The following DAPK1 variants were observed in gnomAD, a reference collection of about 807,000 sequenced individuals.
DAPK1 encodes the protein death associated protein kinase 1.
A neutral mutation model predicts 144.9 loss-of-function variants in DAPK1; 56 were observed. That is an observed-to-expected ratio of 0.39 (90% CI 0.31 to 0.48). The LOEUF is 0.48. DAPK1 is among the 20% of genes least tolerant of loss of function. DAPK1 has a pLI of 0.95. For synonymous variants in DAPK1, 690 were observed against 749.0 expected (o/e 0.92, Z 1.29); for missense variants, 1,454 against 1,875.4 (o/e 0.78, Z 4.15).
intron 2 of DAPK1, among the ~76,000 whole-genome samples, chr9:87,518,695 T>C (rs1381610586): frequency 6.6e-6 from 1 of 152,168 alleles, no homozygotes; most frequent in Admixed American, 6.5e-5. Context: ...ACTTTTTCCT[T>C]ATTTCTCTGT....
At chr9:87,523,028 A>G (rs78769503) in intron 2 of DAPK1, among the ~76,000 whole-genome samples, 3,096 of 151,890 alleles carry the variant, frequency 0.02, 115 homozygotes, top group African/African-American at 0.071. Context: ...CTAGGTTGTC[A>G]TTTGTCTTTT....
At chr9:87,532,820 C>T (rs1208012610) in intron 2 of DAPK1, among the ~76,000 whole-genome samples, 1 of 152,122 alleles carries the variant, frequency 6.6e-6, no homozygotes, top group Non-Finnish European at 1.5e-5. Context: ...GTACAGGGAA[C>T]GCCAATTTGC....
At chr9:87,577,094 G>T (rs1827588525) in intron 2 of DAPK1, among the ~76,000 whole-genome samples, 3 of 152,146 alleles carry the variant, frequency 2.0e-5, no homozygotes, top group African/African-American at 7.2e-5. Context: ...ATTCTGGTTT[G>T]TCCCTCAAAT....
intron 19 of DAPK1, among the ~76,000 whole-genome samples, chr9:87,680,378 T>TA (rs1208953031): frequency 6.6e-6 from 1 of 152,214 alleles, no homozygotes; most frequent in Non-Finnish European, 1.5e-5. Flanking sequence ...GTGCTGGGAT[T>TA]ACAGGCGTGA....
chr9:87,640,388 C>G lies in DAPK1; in HGVS notation c.720C>G (p.Tyr240Ter). 1.2e-6 allele frequency: 2 copies of G among 1,614,194 alleles called. No individual in the cohort carries two copies. The highest frequency in any genetic ancestry group is 1.7e-6 in the Non-Finnish European group (2 of 1,179,994). Residue 240 changes from tyrosine to a stop codon, truncating the protein, a stop_gained, in exon 8 of 26, where the codon TAC (tyrosine) becomes TAG (stop). Transcript: ENST00000408954. LOFTEE classifies it high-confidence loss of function. The part of the protein sequence containing the change: ...SAVNYEFEDE[Y>*]FSNTSALAKD... Reference sequence around the variant, plus strand: ...TCAACTACGAATTTGAGGATGAATACTTCAGTAATACCAGTGCCCTAGCCA... The same window carrying G: ...TCAACTACGAATTTGAGGATGAATAGTTCAGTAATACCAGTGCCCTAGCCA...
At chr9:87,513,206 C>A (rs1342295407) in intron 2 of DAPK1, among the ~76,000 whole-genome samples, 2 of 152,242 alleles carry the variant, frequency 1.3e-5, no homozygotes, top group Non-Finnish European at 2.9e-5. Context: ...TTTATTCATT[C>A]CTCAAGGGCT....
At chr9:87,523,216 T>C (rs1825367288) in intron 2 of DAPK1, among the ~76,000 whole-genome samples, 1 of 152,254 alleles carries the variant, frequency 6.6e-6, no homozygotes, top group Admixed American at 6.5e-5. Context: ...CAGACAGCTG[T>C]ATTTTTTAAA....
At chr9:87,606,237 A>G (rs1272669166) in intron 3 of DAPK1, among the ~76,000 whole-genome samples, 1 of 152,148 alleles carries the variant, frequency 6.6e-6, no homozygotes, top group Non-Finnish European at 1.5e-5. Flanking sequence ...AGGTACCTCC[A>G]CTTTGCAATC....
chr9:87,665,704 A>G (rs545069157), intron 18 of DAPK1, among the ~76,000 whole-genome samples: 5 of 152,316 alleles, frequency 3.3e-5, no homozygotes, highest in South Asian at 2.1e-4. Flanking sequence ...CTTGAACACA[A>G]TAAGTGAAGT....
upstream of DAPK1, chr9:87,497,756 G>A: frequency 3.1e-6 from 1 of 318,058 alleles, no homozygotes; most frequent in Non-Finnish European, 5.7e-6. Flanking sequence ...GCGCCGGCCT[G>A]GCAGGGCAGC....
chr9:87,677,618 G>T (rs1824442553), intron 19 of DAPK1, among the ~76,000 whole-genome samples: 1 of 152,206 alleles, frequency 6.6e-6, no homozygotes, highest in Non-Finnish European at 1.5e-5. Flanking sequence ...CCTTCCCCTG[G>T]TCTCAGATGA....
At position 87,591,135 on chromosome 9, in the gene DAPK1, C is replaced by T. The variant is rs36205755; in HGVS notation, c.63-13819C>T. Among the ~76,000 whole-genome samples, 1,093 of 152,334 alleles carry T rather than the reference C, an allele frequency of 7.2e-3. 7 individuals carry two copies. Among genetic ancestry groups the T allele is most frequent in the Middle Eastern group, 0.014 (4 of 294 alleles). ...ACTGCTTAGTCAAAGCAATTAGCCTCTAGGAGACCAGCAGAATTGCCCTGA... is the reference window on the plus strand; with the variant it reads ...ACTGCTTAGTCAAAGCAATTAGCCTTTAGGAGACCAGCAGAATTGCCCTGA... On this transcript the variant is annotated intron_variant, in intron 2 of 25. Coordinates refer to ENST00000408954, the MANE Select transcript of DAPK1 (RefSeq NM_004938.4).
At chr9:87,548,178 C>T (rs1433185710) in intron 2 of DAPK1, among the ~76,000 whole-genome samples, 1 of 152,346 alleles carries the variant, frequency 6.6e-6, no homozygotes, top group South Asian at 2.1e-4. Context: ...CACTCTCCAG[C>T]TTGGTGGCAG....
intron 2 of DAPK1, chr9:87,553,491 CTTTTCTTT>C (rs1554681422): frequency 1.7e-4 from 25 of 144,532 alleles, no homozygotes; most frequent in Non-Finnish European, 2.6e-4. Context: ...TTTTTCTTTT[CTTTTCTTT>C]TTTTTTTTTT....
At chr9:87,594,165 GTTGTTTGTT>G (rs1238575800) in intron 2 of DAPK1, among the ~76,000 whole-genome samples, 2 of 152,232 alleles carry the variant, frequency 1.3e-5, no homozygotes, top group African/African-American at 4.8e-5. Flanking sequence ...ATGGAGTGTT[GTTGTTTGTT>G]TTGTTTGTTT....
At chr9:87,641,421 G>A (rs1034271551) in intron 9 of DAPK1, among the ~76,000 whole-genome samples, 1 of 152,168 alleles carries the variant, frequency 6.6e-6, no homozygotes, top group Non-Finnish European at 1.5e-5. Context: ...AAATAAAGAA[G>A]TGAACATCAC....
intron 2 of DAPK1, among the ~76,000 whole-genome samples, chr9:87,505,423 TCTCA>T (rs1422090195): frequency 1.3e-5 from 2 of 152,198 alleles, no homozygotes; most frequent in African/African-American, 4.8e-5. Context: ...TGAGACGGAG[TCTCA>T]CTCTGTTGCC....
chr9:87,679,401 G>A (rs1164960878), intron 19 of DAPK1, among the ~76,000 whole-genome samples: 1 of 152,022 alleles, frequency 6.6e-6, no homozygotes, highest in Admixed American at 6.5e-5. Flanking sequence ...TGCACCTCAC[G>A]GCTCCAAACA....
chr9:87,656,699 G>T (rs1378012176), intron 17 of DAPK1, among the ~76,000 whole-genome samples: 1 of 152,238 alleles, frequency 6.6e-6, no homozygotes, highest in Non-Finnish European at 1.5e-5. Context: ...CACAGTGGAC[G>T]CGATTCAGGC....
Sources: gnomAD v4.1 joint callset for allele counts (sites outside exome capture counted in the v4.1 genomes callset) on GRCh38, gnomAD v4.1.1 for gene constraint, MANE v1.5 for transcripts, NCBI Gene and HGNC (gene_info 2026-07-23, HGNC 2026-07-21) for gene names.